Variants in THSD7A observed in about 807,000 individuals in gnomAD.
THSD7A encodes the protein thrombospondin type 1 domain containing 7A, also known as thrombospondin type-1 domain-containing protein 7A.
THSD7A carries 96 observed loss-of-function variants against 231.3 expected under a neutral mutation model. The observed-to-expected ratio is 0.41, with a 90% CI of 0.35 to 0.49. The LOEUF (loss-of-function observed/expected upper bound fraction) is 0.49, where lower values mean the gene tolerates loss of function less well. THSD7A is among the 20% of genes least tolerant of loss of function. The probability of loss-of-function intolerance (pLI) is 0.05; values close to 1 mark genes in which losing one functional copy is unlikely to be tolerated. For missense variants in THSD7A, 2,290 were observed against 2,070.2 expected (o/e 1.11, Z -2.06); for synonymous variants, 940 against 743.3 (o/e 1.26, Z -4.30).
chr7:11,744,451 T>A (rs1782214512), intron 1 of THSD7A, among the ~76,000 whole-genome samples: 1 of 151,972 alleles, frequency 6.6e-6, no homozygotes, highest in Admixed American at 6.6e-5. Flanking sequence ...TTTTTTTATT[T>A]TTTATTATAC....
rs1852350 is a variant in THSD7A, at chr7:11,688,910, A to C, written c.191-51949T>G. Among the ~76,000 whole-genome samples the C allele has an allele frequency of 2.6e-5, 4 of 151,942 alleles. No individual in the cohort carries two copies. The South Asian group carries it at 6.2e-4, about 24-fold the overall frequency. ...AATTTAAAAGTTTAAGCTATAAAGA[A>C]GTATATAATAAAAATAGACTTCATT... On this transcript the variant is annotated intron_variant, in intron 1 of 27. Transcript: ENST00000423059.
At chr7:11,458,855 GCATA>G (rs1407996962) in intron 11 of THSD7A, among the ~76,000 whole-genome samples, 3 of 152,122 alleles carry the variant, frequency 2.0e-5, no homozygotes, top group Non-Finnish European at 4.4e-5. Context: ...AGGCCCATAT[GCATA>G]CATTCACTTG....
chr7:11,825,562 C>T (rs1017213777), intron 1 of THSD7A, among the ~76,000 whole-genome samples: 6 of 152,086 alleles, frequency 3.9e-5, no homozygotes, highest in African/African-American at 1.4e-4. Context: ...AGTTTTTGTA[C>T]CATCTGACAG....
At chr7:11,510,826 A>G (rs2128313327) in intron 6 of THSD7A, among the ~76,000 whole-genome samples, 1 of 151,886 alleles carries the variant, frequency 6.6e-6, no homozygotes, top group Non-Finnish European at 1.5e-5. Flanking sequence ...TGGGTCTGTC[A>G]TAAATGAATG....
intron 1 of THSD7A, among the ~76,000 whole-genome samples, chr7:11,727,968 C>CT (rs1204044586): frequency 6.6e-6 from 1 of 151,928 alleles, no homozygotes; most frequent in East Asian, 2.0e-4. Flanking sequence ...TGTCTTCAAA[C>CT]TGAAAGCAAG....
intron 6 of THSD7A, among the ~76,000 whole-genome samples, chr7:11,489,340 G>T (rs1441118071): frequency 2.0e-5 from 3 of 152,110 alleles, no homozygotes; most frequent in African/African-American, 7.2e-5. Flanking sequence ...GCATTAGGCA[G>T]ATTTCTTCCT....
In THSD7A at chr7:11,444,831, CTATA is replaced by C. The variant is rs1256344911; in HGVS notation, c.3064+1226_3064+1229del. Among the ~76,000 whole-genome samples, 1 of 145,384 alleles carries C rather than the reference CTATA, an allele frequency of 6.9e-6. No homozygotes were observed. The highest frequency in any genetic ancestry group is 1.5e-5 in the Non-Finnish European group (1 of 66,540). On this transcript the variant is annotated intron_variant, in intron 13 of 27. Transcript: ENST00000423059. This position sits in a 1 kb window ranked among gnomAD's most constrained non-coding sequence, Gnocchi z 4.2. ...TGTATAAACTATATATATAATTAAA[CTATA>C]TATATAATTAAACTATATATATAAA... is the stretch of plus-strand genomic sequence containing the variant.
chr7:11,610,302 C>A (rs1045077670), intron 2 of THSD7A, among the ~76,000 whole-genome samples: 1 of 152,064 alleles, frequency 6.6e-6, no homozygotes, highest in Admixed American at 6.6e-5. Flanking sequence ...CAAATTGGAG[C>A]TTTGTCTTAC....
chr7:11,655,397 C>T (rs541551556), intron 1 of THSD7A, among the ~76,000 whole-genome samples: 2 of 151,778 alleles, frequency 1.3e-5, no homozygotes, highest in Non-Finnish European at 2.9e-5. Flanking sequence ...GACAGCTACA[C>T]CTACTAGAGG....
chr7:11,502,585 C>T (rs1787382113), intron 6 of THSD7A, among the ~76,000 whole-genome samples: 1 of 151,956 alleles, frequency 6.6e-6, no homozygotes, highest in Non-Finnish European at 1.5e-5. Flanking sequence ...AATTCAACAT[C>T]CCTTCATCTT....
intron 4 of THSD7A, among the ~76,000 whole-genome samples, chr7:11,559,996 T>C (rs373244796): frequency 1.3e-5 from 2 of 152,192 alleles, no homozygotes; most frequent in African/African-American, 2.4e-5. Context: ...TATAATAGTA[T>C]TGTTTATAAT....
intron 1 of THSD7A, among the ~76,000 whole-genome samples, chr7:11,736,051 C>T (rs1303892509): frequency 6.6e-6 from 1 of 151,694 alleles, no homozygotes; most frequent in South Asian, 2.1e-4. Flanking sequence ...TTCAACAATG[C>T]ATTTCTAATA....
At chr7:11,708,892 T>A (rs1049775320) in intron 1 of THSD7A, among the ~76,000 whole-genome samples, 1 of 150,872 alleles carries the variant, frequency 6.6e-6, no homozygotes, top group Middle Eastern at 3.4e-3. Context: ...ACACTGTACA[T>A]GGGCAAATAA....
chr7:11,667,995 G>A (rs1783213214), intron 1 of THSD7A, among the ~76,000 whole-genome samples: 1 of 152,156 alleles, frequency 6.6e-6, no homozygotes, highest in Admixed American at 6.6e-5. Flanking sequence ...ATCATTTTGT[G>A]TACACAGGAA....
intron 6 of THSD7A, among the ~76,000 whole-genome samples, chr7:11,489,134 G>T (rs1233470066): frequency 6.6e-6 from 1 of 152,038 alleles, no homozygotes; most frequent in Non-Finnish European, 1.5e-5. Context: ...GTATCTTTTA[G>T]TCCTTGGTGT....
chr7:11,717,972 T>C (rs908150428), intron 1 of THSD7A, among the ~76,000 whole-genome samples: 7 of 151,628 alleles, frequency 4.6e-5, no homozygotes, highest in African/African-American at 1.7e-4. Flanking sequence ...CAAAATTTCA[T>C]CCCCTGAAAT....
intron 11 of THSD7A, among the ~76,000 whole-genome samples, chr7:11,459,920 C>T (rs750402196): frequency 1.5e-4 from 23 of 151,858 alleles, no homozygotes; most frequent in African/African-American, 2.4e-4. Context: ...ATTTTAAATA[C>T]GCAGCAGGAG....
intron 6 of THSD7A, among the ~76,000 whole-genome samples, chr7:11,503,739 C>G (rs1787432376): frequency 6.6e-6 from 1 of 152,062 alleles, no homozygotes; most frequent in Admixed American, 6.5e-5. Context: ...TAGAGAAATG[C>G]AAATCAAAGC....
intron 4 of THSD7A, among the ~76,000 whole-genome samples, chr7:11,561,013 T>C (rs1002307307): frequency 6.6e-6 from 1 of 152,156 alleles, no homozygotes; most frequent in African/African-American, 2.4e-5. Flanking sequence ...ATGAGGTAGG[T>C]ATTCCAGTTA....
Sources: gnomAD v4.1 joint callset for allele counts (sites outside exome capture counted in the v4.1 genomes callset) on GRCh38, gnomAD v4.1.1 for gene constraint, Gnocchi (gnomAD v3.1) non-coding constraint, MANE v1.5 for transcripts, NCBI Gene and HGNC (gene_info 2026-07-23, HGNC 2026-07-21) for gene names.